PABPC1: variants seen among roughly 807,000 people sequenced by gnomAD.
PABPC1 encodes polyadenylate-binding protein 1.
PABPC1 carries 4 observed loss-of-function variants against 74.0 expected under a neutral mutation model. That is an observed-to-expected ratio of 0.05 (90% CI 0.03 to 0.12). The LOEUF (loss-of-function observed/expected upper bound fraction) is 0.12, where lower values mean the gene tolerates loss of function less well. Ranked by LOEUF, PABPC1 falls within the 10% of genes least tolerant of loss-of-function variation. PABPC1 has a pLI of 1.00. For synonymous variants in PABPC1, 227 were observed against 264.1 expected (o/e 0.86, Z 1.36); for missense variants, 271 against 821.1 (o/e 0.33, Z 8.19).
intron 12 of PABPC1, 46 bp downstream of exon 12, chr8:100,705,543 A>G: frequency 3.3e-6 from 4 of 1,201,874 alleles, no homozygotes; most frequent in South Asian, 1.2e-5. Flanking sequence ...TGATTCCTAT[A>G]TTTTCTAGTC....
intron 4 of PABPC1, among the ~76,000 whole-genome samples, chr8:100,714,894 T>G (rs903685308): frequency 4.6e-5 from 7 of 152,232 alleles, no homozygotes; most frequent in Non-Finnish European, 8.8e-5. Context: ...AAGGCTGGTT[T>G]GTGCTTCATC....
intron 12 of PABPC1, among the ~76,000 whole-genome samples, 169 bp downstream of exon 12, chr8:100,705,420 T>C (rs572348697): frequency 1.3e-5 from 2 of 152,366 alleles, no homozygotes; most frequent in East Asian, 1.9e-4. Context: ...CATTTTCTTA[T>C]TGGCTTTCCA....
At chr8:100,716,906 T>C (rs1017220625) in intron 3 of PABPC1, among the ~76,000 whole-genome samples, 1 of 152,246 alleles carries the variant, frequency 6.6e-6, no homozygotes, top group African/African-American at 2.4e-5. Flanking sequence ...AAAAGAGTTA[T>C]ATCACTTTTA....
intron 14 of PABPC1, among the ~76,000 whole-genome samples, chr8:100,703,651 T>C (rs1014106430): frequency 6.6e-6 from 1 of 152,138 alleles, no homozygotes; most frequent in African/African-American, 2.4e-5. Context: ...CTCAATTTCT[T>C]GGGAGTGATG....
Position 100,705,184 on chromosome 8 carries a change from A to C in PABPC1, c.1688-128T>G. 2.7e-5 allele frequency: 19 copies of C among 716,838 alleles called. No homozygotes were observed. In the Admixed American group the frequency reaches 5.6e-4, roughly 21 times the overall value. 44.4% of individuals were successfully genotyped at this position (716,838 alleles called of 1,614,324 possible). On this transcript the variant is annotated intron_variant, in intron 12 of 14. Transcript: ENST00000318607. ...ACGTATATAATAACCCATAATCCAC[A>C]ATTTCATTATGTCTTCATGGGAAGA...
At chr8:100,710,599 G>C (rs1810501895) in intron 7 of PABPC1, among the ~76,000 whole-genome samples, 1 of 152,226 alleles carries the variant, frequency 6.6e-6, no homozygotes, top group South Asian at 2.1e-4. Flanking sequence ...TCTGAACATA[G>C]AATGTAGAAA....
intron 7 of PABPC1, among the ~76,000 whole-genome samples, chr8:100,711,472 C>T (rs1288437788): frequency 1.3e-5 from 2 of 152,136 alleles, no homozygotes; most frequent in Non-Finnish European, 2.9e-5. Flanking sequence ...TAATGAGATC[C>T]TGTCTCAAGA....
At chr8:100,708,312 T>A (rs973826982) in intron 9 of PABPC1, among the ~76,000 whole-genome samples, 28 of 152,102 alleles carry the variant, frequency 1.8e-4, no homozygotes, top group African/African-American at 6.8e-4. Context: ...AAAAATTAGC[T>A]GGGCGTGGTG....
chr8:100,708,066 C>A (rs1029191853), intron 9 of PABPC1, among the ~76,000 whole-genome samples: 1 of 152,210 alleles, frequency 6.6e-6, no homozygotes, highest in Non-Finnish European at 1.5e-5. Context: ...GTAATTGCTA[C>A]AAACTAATGA....
At chr8:100,706,614 A>C (rs1412648377) in intron 11 of PABPC1, 37 bp downstream of exon 11, 3 of 1,587,322 alleles carry the variant, frequency 1.9e-6, no homozygotes, top group African/African-American at 1.3e-5. Flanking sequence ...TTCACCCAAG[A>C]AATGTGATTT....
Position 100,712,465 on chromosome 8 carries a change from GAAGAA to G in PABPC1, c.877-13_877-9del. On this transcript the variant is annotated splice_polypyrimidine_tract_variant and intron_variant, in intron 6 of 14. Transcript: ENST00000318607. The stretch of plus-strand genomic sequence containing the variant: ...CACATAAAGATTAACACCCTAAAAA[GAAGAA>G]AAGAAAACTATAGAAAAAGAAAACC... The G allele has an allele frequency of 7.4e-7, 1 of 1,352,362 alleles. No homozygotes were observed. Among genetic ancestry groups the G allele is most frequent in the Non-Finnish European group, 1.0e-6 (1 of 981,076 alleles). The allele number at this position is 1,352,362 out of a possible 1,614,324, so 83.8% of individuals were successfully genotyped here. A position where few individuals can be genotyped will look rare whatever the true frequency, so the allele number is the denominator to read the frequency against.
intron 7 of PABPC1, 92 bp from the exon 8 acceptor site, chr8:100,709,823 T>C (rs1810481319): frequency 1.6e-6 from 2 of 1,286,574 alleles, no homozygotes; most frequent in African/African-American, 1.5e-5. Context: ...AATCACTGAA[T>C]CAAATAACTA....
At chr8:100,719,302 T>G (rs980119604) in intron 1 of PABPC1, among the ~76,000 whole-genome samples, 1 of 152,152 alleles carries the variant, frequency 6.6e-6, no homozygotes, top group East Asian at 1.9e-4. Context: ...CCTCTTTTTT[T>G]ATAAATGAAA....
chr8:100,721,487 G>C lies in PABPC1; in HGVS notation c.97C>G (p.Pro33Ala). Reference sequence around the variant, plus strand: ...CGGATGGAGAGGATGGGCCCGGCCGGGCTGAACTTCTCGTAGAGCATCGCC... The same window carrying C: ...CGGATGGAGAGGATGGGCCCGGCCGCGCTGAACTTCTCGTAGAGCATCGCC... ...TEAMLYEKFS[P>A]AGPILSIRVC... The change falls in exon 1 of 15, where the codon CCG (proline) becomes GCG (alanine). Residue 33 changes from proline to alanine, a missense_variant. Physicochemically the swap from Pro to Ala is conservative, Grantham distance 27. This residue lies in a region of PABPC1 where 47 missense variants were observed against 214.1 expected (regional missense o/e 0.22). Transcript: ENST00000318607. The surrounding 1 kb of genome is among the most constrained non-coding windows in gnomAD (Gnocchi z 7.4). 1 of 1,612,062 alleles carries C rather than the reference G, an allele frequency of 6.2e-7. No homozygotes were observed. Among genetic ancestry groups the C allele is most frequent in the Non-Finnish European group, 8.5e-7 (1 of 1,178,992 alleles).
In PABPC1 at chr8:100,721,700, G is replaced by C. The variant is rs556494644; in HGVS notation, c.-117C>G. On this transcript the variant is annotated 5_prime_UTR_variant, in exon 1 of 15. Coordinates refer to ENST00000318607, the MANE Select transcript of PABPC1 (RefSeq NM_002568.4). The surrounding 1 kb of genome is among the most constrained non-coding windows in gnomAD (Gnocchi z 7.4). ...GGGGAGCGGGGAGCAAGCGCAGAGG[G>C]ACAAAAATCAACCGGAATTGAAAAC... 152 of 874,964 alleles carry C rather than the reference G, an allele frequency of 1.7e-4. No homozygotes were observed. The African/African-American group carries it at 2.5e-3, about 15-fold the overall frequency. 54.2% of individuals were successfully genotyped at this position (874,964 alleles called of 1,614,324 possible). A position where few individuals can be genotyped will look rare whatever the true frequency, so the allele number is the denominator to read the frequency against.
chr8:100,703,057 A>T lies in PABPC1; in HGVS notation c.*304T>A, dbSNP rs1376240123. The T allele has an allele frequency of 4.2e-5, 1 of 23,952 alleles. No homozygotes were observed. The highest frequency in any genetic ancestry group is 9.8e-5 in the Non-Finnish European group (1 of 10,242). The allele number at this position is 23,952 out of a possible 1,614,324, so 1.5% of individuals were successfully genotyped here. ...AAAGAATTACAAAATTAAAGAAAGGAATGCTTTAAATTTTTGTACTTTGCT... is the reference window on the plus strand; with the variant it reads ...AAAGAATTACAAAATTAAAGAAAGGTATGCTTTAAATTTTTGTACTTTGCT... On this transcript the variant is annotated 3_prime_UTR_variant, in exon 15 of 15. Coordinates refer to ENST00000318607, the MANE Select transcript of PABPC1 (RefSeq NM_002568.4).
At chr8:100,715,437 T>G (rs754333024) in intron 4 of PABPC1, 25 bp downstream of exon 4, 1 of 1,563,208 alleles carries the variant, frequency 6.4e-7, no homozygotes, top group Admixed American at 1.9e-5. Context: ...GCTTTGTGTG[T>G]AAAAATTTAA....
chr8:100,720,277 ATT>A (rs1810783327), intron 1 of PABPC1, among the ~76,000 whole-genome samples: 4 of 152,316 alleles, frequency 2.6e-5, no homozygotes, highest in Admixed American at 2.6e-4. Flanking sequence ...TGTTTACAAA[ATT>A]GTGTTTCTGT....
Position 100,712,682 on chromosome 8 carries a change from C to T in PABPC1, c.846G>A (p.Gln282=), listed in dbSNP as rs752590039. 6.3e-7 allele frequency: 1 copy of T among 1,599,918 alleles called. No individual in the cohort carries two copies. The highest frequency in any genetic ancestry group is 8.5e-7 in the Non-Finnish European group (1 of 1,176,276). Residue 282 remains glutamine, a synonymous_variant, in exon 6 of 15, where the codon CAG becomes CAA. Coordinates refer to ENST00000318607, the MANE Select transcript of PABPC1 (RefSeq NM_002568.4). ...RQTELKRKFE[Q]MKQDRITRYQ... is the part of the protein sequence containing the mutation. ...ATCTGGTGATCCTATCTTGTTTCAT[C>T]TGTTCAAATTTGCGCTTAAGTTCCG... is the stretch of plus-strand genomic sequence containing the variant.
Sources: allele counts gnomAD v4.1 joint callset (sites outside exome capture counted in the v4.1 genomes callset), GRCh38; gene constraint gnomAD v4.1.1; regional missense constraint gnomAD v4.1.1; non-coding constraint Gnocchi (gnomAD v3.1); transcripts MANE v1.5; gene names NCBI Gene and HGNC (gene_info 2026-07-23, HGNC 2026-07-21).